Variants in PDE7B observed in about 807,000 individuals in gnomAD.
PDE7B encodes the protein phosphodiesterase 7B, also known as 3',5'-cyclic-AMP phosphodiesterase 7B.
In PDE7B, 29 loss-of-function variants were observed where a neutral mutation model predicts 56.2. The ratio of observed to expected loss-of-function variants is 0.52; its 90% CI spans 0.38 to 0.70. The LOEUF (loss-of-function observed/expected upper bound fraction) is 0.70. Among genes scored for constraint, PDE7B ranks in the 30% least tolerant of loss-of-function variants. PDE7B has a pLI of 0.00. For synonymous variants in PDE7B, 197 were observed against 196.9 expected (o/e 1.00, Z 0.00); for missense variants, 490 against 565.0 (o/e 0.87, Z 1.35).
At chr6:136,108,637 A>G in intron 2 of PDE7B, 94 bp from the exon 3 acceptor site, 1 of 810,862 alleles carries the variant, frequency 1.2e-6, no homozygotes, top group Non-Finnish European at 2.2e-6. Context: ...TTTTCTCCTG[A>G]CATCTGGGGT....
chr6:135,964,437 C>T (rs1158990458), intron 2 of PDE7B, among the ~76,000 whole-genome samples: 1 of 152,042 alleles, frequency 6.6e-6, no homozygotes, highest in African/African-American at 2.4e-5. Context: ...AATCATCATA[C>T]TGGAGGGAAA....
intron 8 of PDE7B, among the ~76,000 whole-genome samples, chr6:136,162,624 T>A (rs573682254): frequency 6.6e-6 from 1 of 152,132 alleles, no homozygotes; most frequent in Admixed American, 6.5e-5. Context: ...AAGTTTTAAC[T>A]CATTCCAGCA....
intron 8 of PDE7B, among the ~76,000 whole-genome samples, chr6:136,159,269 C>T (rs1240161287): frequency 6.6e-6 from 1 of 152,138 alleles, no homozygotes; most frequent in Non-Finnish European, 1.5e-5. Flanking sequence ...CAAACATCTG[C>T]AAAGACTAAC....
intron 2 of PDE7B, among the ~76,000 whole-genome samples, chr6:135,955,161 T>C (rs1280739239): frequency 2.0e-5 from 3 of 152,086 alleles, no homozygotes; most frequent in Non-Finnish European, 4.4e-5. Flanking sequence ...AGAGTAGGGA[T>C]GCAAAGATAT....
chr6:136,147,508 C>G lies in PDE7B; in HGVS notation c.318+6C>G, dbSNP rs1405734515. ...ACTACCTTGGACAAGCAAGGGTAAGCTGACTGCCCCATCTCCTCACAGCAG... is the reference window on the plus strand; with the variant it reads ...ACTACCTTGGACAAGCAAGGGTAAGGTGACTGCCCCATCTCCTCACAGCAG... On this transcript the variant is annotated splice_donor_region_variant and intron_variant, in intron 4 of 12. Transcript: ENST00000308191. The G allele has an allele frequency of 5.0e-6, 8 of 1,612,782 alleles. No individual in the cohort carries two copies. The Admixed American group carries it at 1.3e-4, about 27-fold the overall frequency.
rs1554268043 is a variant in PDE7B at position 135,935,200 on chromosome 6, A to ATATT, written c.22-12261_22-12260insTTAT. 1.2e-4 allele frequency among the ~76,000 whole-genome samples: 10 copies of ATATT among 86,038 alleles called. 3 individuals carry two copies. Among genetic ancestry groups the ATATT allele is most frequent in the East Asian group, 8.5e-4 (2 of 2,354 alleles). 56.4% of individuals were successfully genotyped at this position (86,038 alleles called of 152,430 possible). ...TATATATATATTTATTTATATATAT[A>ATATT]TATATATATATATATATTTTCATGA... On this transcript the variant is annotated intron_variant, in intron 1 of 12. Transcript: ENST00000308191.
At chr6:135,858,140 T>C (rs181947101) in intron 1 of PDE7B, among the ~76,000 whole-genome samples, 2 of 152,252 alleles carry the variant, frequency 1.3e-5, no homozygotes, top group East Asian at 1.9e-4. Flanking sequence ...TCATTTTATT[T>C]AATTTAATTA....
intron 1 of PDE7B, among the ~76,000 whole-genome samples, chr6:135,889,170 C>T (rs190793216): frequency 7.9e-5 from 12 of 152,244 alleles, no homozygotes; most frequent in African/African-American, 2.9e-4. Flanking sequence ...GGTTTGAATA[C>T]AATGACCCAC....
chr6:135,926,144 T>C (rs1774182640), intron 1 of PDE7B, among the ~76,000 whole-genome samples: 1 of 126,238 alleles, frequency 7.9e-6, no homozygotes, highest in South Asian at 2.6e-4. Context: ...TGCAGTGCAG[T>C]GGCGCAATCT....
chr6:136,096,961 C>G (rs1777480214), intron 2 of PDE7B, among the ~76,000 whole-genome samples: 1 of 152,102 alleles, frequency 6.6e-6, no homozygotes, highest in African/African-American at 2.4e-5. Flanking sequence ...GTGCTTCTTC[C>G]ACAAAATCCA....
chr6:136,143,948 A>G (rs1435866796), intron 3 of PDE7B, among the ~76,000 whole-genome samples: 1 of 152,044 alleles, frequency 6.6e-6, no homozygotes, highest in African/African-American at 2.4e-5. Context: ...AGTTTATTAT[A>G]TAAATATAGG....
intron 8 of PDE7B, among the ~76,000 whole-genome samples, chr6:136,169,178 C>T (rs1778843714): frequency 6.6e-6 from 1 of 152,048 alleles, no homozygotes; most frequent in Non-Finnish European, 1.5e-5. Flanking sequence ...ATGGAAAGTG[C>T]CTGGCACAGA....
chr6:136,003,415 T>C (rs1775711543), intron 2 of PDE7B, among the ~76,000 whole-genome samples: 1 of 152,144 alleles, frequency 6.6e-6, no homozygotes, highest in South Asian at 2.1e-4. Context: ...ATCCAGAAGC[T>C]GGTTTATTGA....
chr6:136,094,161 C>A (rs1360381401), intron 2 of PDE7B: 1 of 152,418 alleles, frequency 6.6e-6, no homozygotes, highest in African/African-American at 2.4e-5. Flanking sequence ...AGCCAGCTCC[C>A]TTCAACCTTT....
chr6:136,012,234 A>G (rs1049399186), intron 2 of PDE7B, among the ~76,000 whole-genome samples: 7 of 152,048 alleles, frequency 4.6e-5, no homozygotes, highest in African/African-American at 1.7e-4. Flanking sequence ...TTAGGCCTCC[A>G]GGCTCCCTTC....
intron 9 of PDE7B, 47 bp from the exon 10 acceptor site, chr6:136,178,950 G>A (rs962004255): frequency 2.5e-6 from 4 of 1,604,312 alleles, no homozygotes; most frequent in East Asian, 4.5e-5. Context: ...CCTCATCAAA[G>A]GGATTTGCTT....
chr6:136,086,336 T>C (rs1172074224), intron 2 of PDE7B, among the ~76,000 whole-genome samples: 1 of 152,150 alleles, frequency 6.6e-6, no homozygotes, highest in Non-Finnish European at 1.5e-5. Flanking sequence ...CTAATGCTTT[T>C]CTTAATGGCT....
At chr6:136,031,755 A>AG (rs1336076238) in intron 2 of PDE7B, among the ~76,000 whole-genome samples, 7 of 151,598 alleles carry the variant, frequency 4.6e-5, no homozygotes, top group Admixed American at 6.6e-5. Context: ...AAAAAAAAAA[A>AG]AAGAAGGCTT....
At chr6:135,963,052 A>G (rs1347529372) in intron 2 of PDE7B, among the ~76,000 whole-genome samples, 1 of 152,334 alleles carries the variant, frequency 6.6e-6, no homozygotes, top group Non-Finnish European at 1.5e-5. Flanking sequence ...TGCACAAATG[A>G]TATCAAGTAA....
Sources: allele counts gnomAD v4.1 joint callset (sites outside exome capture counted in the v4.1 genomes callset), GRCh38; gene constraint gnomAD v4.1.1; transcripts MANE v1.5; gene names NCBI Gene and HGNC (gene_info 2026-07-23, HGNC 2026-07-21).